The following PRRG1 variants were observed in gnomAD, a reference collection of about 807,000 sequenced individuals.
PRRG1 encodes the protein transmembrane gamma-carboxyglutamic acid protein 1.
Under a neutral mutation model 11.8 loss-of-function variants are expected in PRRG1, and 5 were observed. That is an observed-to-expected ratio of 0.42 (90% CI 0.22 to 0.89). The LOEUF (loss-of-function observed/expected upper bound fraction) is 0.89. Among genes scored for constraint, PRRG1 ranks in the 40% least tolerant of loss-of-function variants. PRRG1 has a pLI of 0.28. For synonymous variants in PRRG1, 66 were observed against 60.4 expected (o/e 1.09, Z -0.43); for missense variants, 155 against 166.1 (o/e 0.93, Z 0.37).
chrX:37,451,000 T>C, intron 3 of PRRG1, among the ~76,000 whole-genome samples: 1 of 109,526 alleles, frequency 9.1e-6, no homozygotes, highest in Non-Finnish European at 1.9e-5. Flanking sequence ...TGTTTTTGTT[T>C]TGTTTTGTTT....
chrX:37,404,189 T>C lies in PRRG1; in HGVS notation c.-41-2020T>C, dbSNP rs782721673. On this transcript the variant is annotated intron_variant, in intron 1 of 3. Coordinates refer to ENST00000378628, the MANE Select transcript of PRRG1 (RefSeq NM_001142395.2). ...AGTCCTGCCAGATTTACCTAGCATC[T>C]CTGATATCACTGTCCCTGGTCAAGC... Among the ~76,000 whole-genome samples, 17 of 112,032 alleles carry C rather than the reference T, an allele frequency of 1.5e-4. No individual in the cohort carries two copies. In the South Asian group the frequency reaches 6.4e-3, roughly 42 times the overall value.
intron 1 of PRRG1, among the ~76,000 whole-genome samples, chrX:37,396,707 A>G (rs1233641984): frequency 9.0e-6 from 1 of 111,176 alleles, no homozygotes; most frequent in Non-Finnish European, 1.9e-5. Flanking sequence ...TGAGAGTATC[A>G]TGTATAACAT....
chrX:37,367,445 G>A (rs1205619811), intron 1 of PRRG1, among the ~76,000 whole-genome samples: 1 of 111,883 alleles, frequency 8.9e-6, no homozygotes. Context: ...GTAAATTTGA[G>A]AGGAAAATGT....
intron 3 of PRRG1, among the ~76,000 whole-genome samples, chrX:37,450,992 T>TTTTGTTTTGTTTTGTTTTG (rs1921108585): frequency 1.5e-4 from 16 of 106,500 alleles, no homozygotes; most frequent in African/African-American, 5.7e-4. Flanking sequence ...ATTTTTGCTG[T>TTTTGTTTTGTTTTGTTTTG]TTTTGTTTTG....
At chrX:37,393,397 G>A (rs928429468) in intron 1 of PRRG1, among the ~76,000 whole-genome samples, 20 of 109,608 alleles carry the variant, frequency 1.8e-4, no homozygotes, top group African/African-American at 6.6e-4. Flanking sequence ...ATCAATTATT[G>A]TTTTTATACA....
At chrX:37,448,369 C>T (rs1229763458) in intron 3 of PRRG1, among the ~76,000 whole-genome samples, 1 of 111,386 alleles carries the variant, frequency 9.0e-6, no homozygotes, top group African/African-American at 3.3e-5. Context: ...CAAATGAAGA[C>T]TTGTCCTGCA....
chrX:37,390,292 T>G (rs184265609), intron 1 of PRRG1, among the ~76,000 whole-genome samples: 104 of 111,710 alleles, frequency 9.3e-4, no homozygotes, highest in Middle Eastern at 4.6e-3. Flanking sequence ...TTCCAACATA[T>G]GAATTTTGGA....
chrX:37,411,782 A>G, intron 2 of PRRG1, among the ~76,000 whole-genome samples: 1 of 112,224 alleles, frequency 8.9e-6, no homozygotes. Flanking sequence ...GCTCGTACAC[A>G]TCTTCCACAA....
intron 1 of PRRG1, among the ~76,000 whole-genome samples, chrX:37,384,967 C>T (rs781945034): frequency 8.9e-6 from 1 of 111,742 alleles, no homozygotes; most frequent in South Asian, 3.7e-4. Context: ...TATAGGCATA[C>T]ACCCAACAGA....
chrX:37,402,820 G>C (rs1195368697), intron 1 of PRRG1, among the ~76,000 whole-genome samples: 1 of 111,046 alleles, frequency 9.0e-6, no homozygotes, highest in Non-Finnish European at 1.9e-5. Context: ...GTGGGCAAAG[G>C]ACATGAACAG....
chrX:37,451,154 G>T (rs1183223172), intron 3 of PRRG1, among the ~76,000 whole-genome samples: 1 of 111,636 alleles, frequency 9.0e-6, no homozygotes, highest in African/African-American at 3.3e-5. Context: ...GAGTAGCTGG[G>T]ACTACAGGCA....
At chrX:37,408,129 A>G (rs1556382561) in intron 2 of PRRG1, among the ~76,000 whole-genome samples, 4 of 111,915 alleles carry the variant, frequency 3.6e-5, no homozygotes, top group African/African-American at 9.8e-5. Flanking sequence ...TCAGCTCTCA[A>G]TGGAAGCTTC....
At chrX:37,400,565 T>A (rs1387949076) in intron 1 of PRRG1, among the ~76,000 whole-genome samples, 1 of 110,438 alleles carries the variant, frequency 9.1e-6, no homozygotes, top group Non-Finnish European at 1.9e-5. Context: ...ACATCACAAT[T>A]AAAAGAACTA....
At chrX:37,406,595 TTTTTCTG>T (rs1372591818) in intron 2 of PRRG1, among the ~76,000 whole-genome samples, 1 of 110,238 alleles carries the variant, frequency 9.1e-6, no homozygotes, top group Admixed American at 9.8e-5. Context: ...TTATAAGTCT[TTTTTCTG>T]TTTTCTGTTT....
chrX:37,412,981 A>T (rs1932389933), intron 2 of PRRG1, among the ~76,000 whole-genome samples: 3 of 111,295 alleles, frequency 2.7e-5, no homozygotes, highest in African/African-American at 9.8e-5. Flanking sequence ...AATAGTTACA[A>T]AATGTACTAA....
chrX:37,426,027 G>T (rs372434328), intron 3 of PRRG1, 27 bp downstream of exon 3: 308 of 1,134,866 alleles, frequency 2.7e-4, no homozygotes, highest in Non-Finnish European at 3.5e-4. Flanking sequence ...TTAAAAAGTT[G>T]CACAGATTTG....
chrX:37,402,295 C>G (rs1357739526), intron 1 of PRRG1, among the ~76,000 whole-genome samples: 1 of 111,308 alleles, frequency 9.0e-6, no homozygotes, highest in Admixed American at 9.5e-5. Context: ...GACATATAGA[C>G]CAATGGAACA....
chrX:37,401,848 A>G lies in PRRG1; in HGVS notation c.-41-4361A>G, dbSNP rs782601184. ...CATTCTTATACACCAACAACAGACA[A>G]ACAGAGAGCCAAATCATGAGTGAAC... is the stretch of plus-strand genomic sequence containing the variant. On this transcript the variant is annotated intron_variant, in intron 1 of 3. Transcript: ENST00000378628. Among the ~76,000 whole-genome samples, 20 of 110,784 alleles carry G rather than the reference A, an allele frequency of 1.8e-4. No individual in the cohort carries two copies. In the East Asian group the frequency reaches 5.1e-3, roughly 28 times the overall value.
chrX:37,439,615 G>C lies in PRRG1; in HGVS notation c.172-13521G>C, dbSNP rs1040829004. On this transcript the variant is annotated intron_variant, in intron 3 of 3. Coordinates refer to ENST00000378628, the MANE Select transcript of PRRG1 (RefSeq NM_001142395.2). The stretch of plus-strand genomic sequence containing the variant: ...GTTTAATTAGTGATGGTTATGCCAG[G>C]GGCTTTACAATGAAACAATTTACCT... Among the ~76,000 whole-genome samples the C allele has an allele frequency of 3.6e-5, 4 of 110,488 alleles. No individual in the cohort carries two copies. The East Asian group carries it at 8.5e-4, about 23-fold the overall frequency.
Sources: gnomAD v4.1 joint callset for allele counts (sites outside exome capture counted in the v4.1 genomes callset) on GRCh38, gnomAD v4.1.1 for gene constraint, MANE v1.5 for transcripts, NCBI Gene and HGNC (gene_info 2026-07-23, HGNC 2026-07-21) for gene names.